The following SLC35F3 variants were observed in gnomAD, a reference collection of about 807,000 sequenced individuals.
SLC35F3 encodes the protein solute carrier family 35 member F3.
Under a neutral mutation model 49.9 loss-of-function variants are expected in SLC35F3, and 25 were observed. The ratio of observed to expected loss-of-function variants is 0.50; its 90% CI spans 0.37 to 0.70. The LOEUF is 0.70. SLC35F3 is among the 30% of genes least tolerant of loss of function. The probability of loss-of-function intolerance (pLI) is 0.00; values close to 1 mark genes in which losing one functional copy is unlikely to be tolerated. For missense variants in SLC35F3, 525 were observed against 639.8 expected (o/e 0.82, Z 1.94); for synonymous variants, 275 against 265.4 (o/e 1.04, Z -0.35).
At chr1:234,248,076 T>C (rs1403396417) in intron 3 of SLC35F3, among the ~76,000 whole-genome samples, 1 of 152,240 alleles carries the variant, frequency 6.6e-6, no homozygotes, top group African/African-American at 2.4e-5. Flanking sequence ...AGTAGGTTGG[T>C]TGGCTGGTCC....
At chr1:234,087,653 A>G (rs1182722610) in intron 2 of SLC35F3, among the ~76,000 whole-genome samples, 3 of 152,124 alleles carry the variant, frequency 2.0e-5, no homozygotes, top group Non-Finnish European at 2.9e-5. Flanking sequence ...AGCATAAAAC[A>G]AATTGTATCA....
intron 2 of SLC35F3, among the ~76,000 whole-genome samples, chr1:234,171,537 C>A (rs572631030): frequency 6.6e-6 from 1 of 152,116 alleles, no homozygotes; most frequent in Non-Finnish European, 1.5e-5. Context: ...GGCTTCCAAG[C>A]CCACCAAATC....
intron 4 of SLC35F3, among the ~76,000 whole-genome samples, chr1:234,315,406 A>G (rs1449857045): frequency 6.6e-6 from 1 of 152,200 alleles, no homozygotes; most frequent in Non-Finnish European, 1.5e-5. Flanking sequence ...TCCTATGTGA[A>G]TCATGCATTC....
chr1:234,068,275 T>C (rs1344649945), intron 2 of SLC35F3, among the ~76,000 whole-genome samples: 1 of 152,148 alleles, frequency 6.6e-6, no homozygotes. Context: ...CTTTCAGAAA[T>C]AGTGAATGCA....
chr1:233,969,271 A>G (rs1014625222), intron 2 of SLC35F3, among the ~76,000 whole-genome samples: 23 of 152,220 alleles, frequency 1.5e-4, no homozygotes, highest in Admixed American at 1.2e-3. Flanking sequence ...GGGCTATAGG[A>G]ATGGCTGATT....
At chr1:233,905,825 C>A in intron 2 of SLC35F3, 67 bp downstream of exon 2, 1 of 1,445,102 alleles carries the variant, frequency 6.9e-7, no homozygotes, top group Non-Finnish European at 9.5e-7. Context: ...ACAGCAGCCT[C>A]GGGGAGCGCA....
chr1:234,108,473 A>T (rs1665328989), intron 2 of SLC35F3, among the ~76,000 whole-genome samples: 1 of 80,734 alleles, frequency 1.2e-5, no homozygotes. Context: ...TATATAAAAG[A>T]TATATATATA....
intron 2 of SLC35F3, among the ~76,000 whole-genome samples, chr1:234,220,779 A>G (rs540266956): frequency 6.6e-6 from 1 of 152,336 alleles, no homozygotes; most frequent in Admixed American, 6.5e-5. Context: ...AATTCTGGGA[A>G]TGGAGATGCC....
chr1:234,005,694 A>G (rs1663618143), intron 2 of SLC35F3, among the ~76,000 whole-genome samples: 1 of 152,226 alleles, frequency 6.6e-6, no homozygotes, highest in South Asian at 2.1e-4. Context: ...CCACAAAATT[A>G]GGGGCAGGAA....
At chr1:233,924,679 TG>T (rs1467106980) in intron 2 of SLC35F3, among the ~76,000 whole-genome samples, 2 of 152,248 alleles carry the variant, frequency 1.3e-5, no homozygotes, top group Non-Finnish European at 1.5e-5. Flanking sequence ...TGCTAGCTTT[TG>T]AATGTGTTTG....
chr1:234,317,287 C>T (rs1354967873), intron 5 of SLC35F3, among the ~76,000 whole-genome samples: 2 of 152,108 alleles, frequency 1.3e-5, no homozygotes, highest in African/African-American at 2.4e-5. Context: ...AAGCACTTGC[C>T]AGCTTCAGGT....
chr1:234,300,799 G>C (rs1021286783), intron 3 of SLC35F3, among the ~76,000 whole-genome samples: 2 of 152,250 alleles, frequency 1.3e-5, no homozygotes, highest in Non-Finnish European at 2.9e-5. Flanking sequence ...GTGGAAAATG[G>C]AATGAATCAG....
Position 234,065,383 on chromosome 1 carries a change from G to A in SLC35F3, c.283+159625G>A, listed in dbSNP as rs564595549. Among the ~76,000 whole-genome samples, 5 of 152,252 alleles carry A rather than the reference G, an allele frequency of 3.3e-5. No homozygotes were observed. The East Asian group carries it at 7.7e-4, about 23-fold the overall frequency. On this transcript the variant is annotated intron_variant, in intron 2 of 7. Coordinates refer to ENST00000366618, the MANE Select transcript of SLC35F3 (RefSeq NM_173508.4). ...AGGCTGTTCTGGACTTCCTGATCTC[G>A]TGACTCGCCCACCTCAGCCTCCCAA...
At position 234,275,760 on chromosome 1, in the gene SLC35F3, A is replaced by AT. The variant is rs1558094924; in HGVS notation, c.609-33341_609-33340insT. On this transcript the variant is annotated intron_variant, in intron 3 of 7. Transcript: ENST00000366618. ...CATCATTGGTAAGTATTGAAAAAAA[A>AT]AAAATATATATATATATATATAGCA... Among the ~76,000 whole-genome samples, 630 of 138,398 alleles carry AT rather than the reference A, an allele frequency of 4.6e-3. 5 individuals carry two copies. Among genetic ancestry groups the AT allele is most frequent in the African/African-American group, 0.016 (586 of 36,174 alleles). The allele number at this position is 138,398 out of a possible 152,430, so 90.8% of individuals were successfully genotyped here. A position where few individuals can be genotyped will look rare whatever the true frequency, so the allele number is the denominator to read the frequency against.
intron 2 of SLC35F3, among the ~76,000 whole-genome samples, chr1:234,089,370 AAGGGGCTTTCTAAT>A (rs1402501457): frequency 2.6e-5 from 4 of 152,096 alleles, no homozygotes; most frequent in Admixed American, 2.6e-4. Flanking sequence ...AGAGAGAACC[AAGGGGCTTTCTAAT>A]AGATGAAAGC....
chr1:234,223,283 G>C (rs893128305), intron 2 of SLC35F3, among the ~76,000 whole-genome samples: 19 of 152,276 alleles, frequency 1.2e-4, no homozygotes, highest in East Asian at 9.6e-4. Context: ...AGATGGTGAT[G>C]ATGGGTGGGA....
At chr1:233,906,692 A>T (rs1236774472) in intron 2 of SLC35F3, among the ~76,000 whole-genome samples, 1 of 152,182 alleles carries the variant, frequency 6.6e-6, no homozygotes, top group African/African-American at 2.4e-5. Flanking sequence ...ATTGCTTAAA[A>T]TTGAAACATT....
intron 2 of SLC35F3, among the ~76,000 whole-genome samples, chr1:234,109,112 T>A (rs1024493816): frequency 3.3e-5 from 5 of 151,808 alleles, no homozygotes; most frequent in African/African-American, 9.7e-5. Flanking sequence ...GAAGGAGAGC[T>A]GCTGTGAGCA....
At chr1:234,069,998 A>G (rs1664688687) in intron 2 of SLC35F3, among the ~76,000 whole-genome samples, 2 of 152,164 alleles carry the variant, frequency 1.3e-5, no homozygotes, top group African/African-American at 4.8e-5. Flanking sequence ...CTAATCTCAT[A>G]CAGAGCTTTC....
Sources: gnomAD v4.1 joint callset for allele counts (sites outside exome capture counted in the v4.1 genomes callset) on GRCh38, gnomAD v4.1.1 for gene constraint, MANE v1.5 for transcripts, NCBI Gene and HGNC (gene_info 2026-07-23, HGNC 2026-07-21) for gene names.